The following ARVCF variants were observed in gnomAD, a reference collection of about 807,000 sequenced individuals.
The protein encoded by ARVCF is splicing regulator ARVCF.
In ARVCF, 66 loss-of-function variants were observed where a neutral mutation model predicts 90.9. The ratio of observed to expected loss-of-function variants is 0.73; its 90% CI spans 0.60 to 0.89. The LOEUF is 0.89. ARVCF is among the 40% of genes least tolerant of loss of function. ARVCF has a pLI of 0.00. For missense variants in ARVCF, 1,469 were observed against 1,382.3 expected, an observed-to-expected ratio of 1.06 and a Z score of -1.00; for synonymous variants, 653 against 603.4, an observed-to-expected ratio of 1.08 and a Z score of -1.21.
At chr22:19,966,409 C>T (rs2146183668), downstream of ARVCF, among the ~76,000 whole-genome samples, 1 of 149,462 alleles carries the variant, frequency 6.7e-6, no homozygotes, top group East Asian at 2.0e-4. Context: ...CAGCCCATGC[C>T]CAAAGGAAGA....
chr22:19,968,417 C>T, downstream of ARVCF: 1 of 1,006,258 alleles, frequency 9.9e-7, no homozygotes. Flanking sequence ...GAAACCTGGC[C>T]CCAGGGGCTA....
chr22:19,970,915 C>T (rs1942726811), intron 19 of ARVCF, among the ~76,000 whole-genome samples, 172 bp from the exon 20 acceptor site: 1 of 152,210 alleles, frequency 6.6e-6, no homozygotes, highest in African/African-American at 2.4e-5. Flanking sequence ...CAGGGCTGAT[C>T]CTGACTTGCT....
chr22:19,989,991 G>T, intron 3 of ARVCF, among the ~76,000 whole-genome samples: 1 of 152,202 alleles, frequency 6.6e-6, no homozygotes, highest in Non-Finnish European at 1.5e-5. Flanking sequence ...TCATCTACAG[G>T]TTAGAGCACT....
At position 19,973,890 on chromosome 22, in the gene ARVCF, C is replaced by T. The variant is rs1365071075; in HGVS notation, c.2089-97G>A. On this transcript the variant is annotated intron_variant, in intron 12 of 19. Coordinates refer to ENST00000263207, the MANE Select transcript of ARVCF (RefSeq NM_001670.3). Reference sequence around the variant, plus strand: ...CTCTCCAGCTGGACCTTCCTGCTCCCGTGCCCGACAAAGCCCTACCCCAAA... The same window carrying T: ...CTCTCCAGCTGGACCTTCCTGCTCCTGTGCCCGACAAAGCCCTACCCCAAA... The T allele has an allele frequency of 8.6e-6, 13 of 1,516,086 alleles. No individual in the cohort carries two copies. The Middle Eastern group carries it at 6.2e-4, about 72-fold the overall frequency. 93.9% of individuals were successfully genotyped at this position (1,516,086 alleles called of 1,614,324 possible). A position where few individuals can be genotyped will look rare whatever the true frequency, so the allele number is the denominator to read the frequency against.
intron 9 of ARVCF, 50 bp downstream of exon 9, chr22:19,977,364 TG>T: frequency 6.8e-7 from 1 of 1,466,298 alleles, no homozygotes; most frequent in African/African-American, 1.4e-5. Flanking sequence ...AGCCTTCCGC[TG>T]GGGCAGGAGT....
At chr22:19,995,720 C>A (rs1278079591) in intron 2 of ARVCF, among the ~76,000 whole-genome samples, 2 of 152,146 alleles carry the variant, frequency 1.3e-5, no homozygotes, top group African/African-American at 2.4e-5. Context: ...GGGTGGCAGG[C>A]GGGGCCTGGC....
chr22:19,981,489 T>A lies in ARVCF; in HGVS notation c.618A>T (p.Arg206=). 1 of 1,551,606 alleles carries A rather than the reference T, an allele frequency of 6.4e-7. No individual in the cohort carries two copies. Among genetic ancestry groups the A allele is most frequent in the Non-Finnish European group, 8.7e-7 (1 of 1,150,358 alleles). Residue 206 remains arginine, a synonymous_variant, in exon 5 of 20, where the codon CGA becomes CGT. Coordinates refer to ENST00000263207, the MANE Select transcript of ARVCF (RefSeq NM_001670.3). ...CACGTGGGGGCCGCATGCCCAGCCC[T>A]CGGGACAGGCTGCCATAGCTGGGGC... The part of the protein sequence containing the change: ...RDSPSYGSLS[R]GLGMRPPRAG...
intron 2 of ARVCF, among the ~76,000 whole-genome samples, chr22:20,007,234 A>T (rs1030713695): frequency 1.3e-5 from 2 of 149,262 alleles, no homozygotes; most frequent in Non-Finnish European, 3.0e-5. Flanking sequence ...CATCTCTATT[A>T]AAAAAAAAAA....
intron 2 of ARVCF, 49 bp from the exon 3 acceptor site, chr22:19,990,861 A>T: frequency 6.6e-7 from 1 of 1,518,404 alleles, no homozygotes; most frequent in Non-Finnish European, 8.9e-7. Context: ...CAGCCTGGCA[A>T]GGCCATCATG....
chr22:20,005,437 G>GTCTT (rs2146468403), intron 2 of ARVCF, among the ~76,000 whole-genome samples: 1 of 152,054 alleles, frequency 6.6e-6, no homozygotes, highest in Non-Finnish European at 1.5e-5. Flanking sequence ...CTGCTGGTGG[G>GTCTT]AATGTAAGAT....
chr22:19,999,339 C>A (rs1944364052), intron 2 of ARVCF, among the ~76,000 whole-genome samples: 2 of 152,164 alleles, frequency 1.3e-5, no homozygotes, highest in Admixed American at 6.5e-5. Flanking sequence ...TGGCCCCCTG[C>A]GGCAGCACGA....
At chr22:19,969,606 T>A (rs1942628638), downstream of ARVCF, 1 of 154,696 alleles carries the variant, frequency 6.5e-6, no homozygotes, top group Admixed American at 6.6e-5. Flanking sequence ...GAATCAACCC[T>A]GTGCTAGCTG....
At position 19,970,892 on chromosome 22, in the gene ARVCF, A is replaced by T. The variant is rs566247827; in HGVS notation, c.*13-149T>A. 3.6e-5 allele frequency: 40 copies of T among 1,111,308 alleles called. 1 individual carries two copies. The South Asian group carries it at 5.8e-4, about 16-fold the overall frequency. The allele number at this position is 1,111,308 out of a possible 1,614,324, so 68.8% of individuals were successfully genotyped here. The stretch of plus-strand genomic sequence containing the variant: ...CCCTGGGTGGTGTGGGCTGACCCCA[A>T]GGGTCTTGGCACCAGGGCTGATCCT... On this transcript the variant is annotated intron_variant, in intron 19 of 19. Coordinates refer to ENST00000263207, the MANE Select transcript of ARVCF (RefSeq NM_001670.3).
chr22:19,979,196 G>C (rs1382014370), intron 6 of ARVCF, 116 bp from the exon 7 acceptor site: 1 of 1,171,380 alleles, frequency 8.5e-7, no homozygotes, highest in East Asian at 2.5e-5. Context: ...ATGCAGAACA[G>C]TAGGAAGTAA....
chr22:19,990,401 C>T (rs949001888), intron 3 of ARVCF, among the ~76,000 whole-genome samples, 184 bp downstream of exon 3: 3 of 152,254 alleles, frequency 2.0e-5, no homozygotes, highest in Non-Finnish European at 4.4e-5. Context: ...CCACTCTTCA[C>T]ATGGTGCCTA....
chr22:19,988,323 C>G (rs1025091411), intron 3 of ARVCF, among the ~76,000 whole-genome samples: 1 of 152,250 alleles, frequency 6.6e-6, no homozygotes, highest in African/African-American at 2.4e-5. Context: ...CTGCCTGGAA[C>G]CCCTGGAGCA....
chr22:19,966,628 A>G (rs1452480043), downstream of ARVCF, among the ~76,000 whole-genome samples: 1 of 151,950 alleles, frequency 6.6e-6, no homozygotes, highest in African/African-American at 2.4e-5. Flanking sequence ...TTTTGTAGAA[A>G]TGGGGTCTCC....
intron 2 of ARVCF, among the ~76,000 whole-genome samples, chr22:19,997,679 A>G (rs1944302151): frequency 6.6e-6 from 1 of 152,144 alleles, no homozygotes; most frequent in South Asian, 2.1e-4. Flanking sequence ...CAAGGGCTCA[A>G]AGGCTGGGGA....
chr22:20,001,822 C>T (rs954081741), intron 2 of ARVCF, among the ~76,000 whole-genome samples: 3 of 152,072 alleles, frequency 2.0e-5, no homozygotes, highest in Admixed American at 1.3e-4. Context: ...AGAAAAGGAG[C>T]CGCTATAAAT....
Sources: gnomAD v4.1 joint callset for allele counts (sites outside exome capture counted in the v4.1 genomes callset) on GRCh38, gnomAD v4.1.1 for gene constraint, MANE v1.5 for transcripts, NCBI Gene and HGNC (gene_info 2026-07-23, HGNC 2026-07-21) for gene names.